Variants in FLT1 observed in about 807,000 individuals in gnomAD.
FLT1 encodes vascular endothelial growth factor receptor 1.
Under a neutral mutation model 156.3 loss-of-function variants are expected in FLT1, and 49 were observed. The observed-to-expected ratio is 0.31, with a 90% CI of 0.25 to 0.40. The LOEUF is 0.40. FLT1 is among the 10% of genes least tolerant of loss of function. FLT1 has a pLI of 1.00. For missense variants in FLT1, 1,322 were observed against 1,637.2 expected (o/e 0.81, Z 3.32); for synonymous variants, 594 against 583.8 (o/e 1.02, Z -0.25).
Position 28,303,496 on chromosome 13 carries a change from C to CG in FLT1, c.3816-129_3816-128insC, listed in dbSNP as rs1003998832. 9.0e-5 allele frequency: 72 copies of CG among 799,104 alleles called. 2 individuals are homozygous for CG. The highest frequency in any genetic ancestry group is 1.2e-4 in the Non-Finnish European group (56 of 485,298). The allele number at this position is 799,104 out of a possible 1,614,324, so 49.5% of individuals were successfully genotyped here. On this transcript the variant is annotated intron_variant, in intron 29 of 29. Transcript: ENST00000282397. Reference sequence around the variant, plus strand: ...TCTAGAGTTCATGGTTTTGGAACCCCCCCCCCCTCAATTGCTGTCAGATTT... The same window carrying CG: ...TCTAGAGTTCATGGTTTTGGAACCCCGCCCCCCCTCAATTGCTGTCAGATTT...
chr13:28,364,842 A>G (rs988962679), intron 14 of FLT1, among the ~76,000 whole-genome samples: 2 of 152,200 alleles, frequency 1.3e-5, no homozygotes, highest in African/African-American at 4.8e-5. Context: ...AAGTTAAATT[A>G]TGATTGCTTG....
rs534238030 is a variant in FLT1 at position 28,319,550 on chromosome 13, G to A, written c.3175-16C>T. ...GAAGTCGAGTCTAGAAGAGGGCAAGGGGGCCTTGAGCAGAAGGGCATGAAA... is the reference window on the plus strand; with the variant it reads ...GAAGTCGAGTCTAGAAGAGGGCAAGAGGGCCTTGAGCAGAAGGGCATGAAA... On this transcript the variant is annotated splice_polypyrimidine_tract_variant and intron_variant, in intron 23 of 29. Coordinates refer to ENST00000282397, the MANE Select transcript of FLT1 (RefSeq NM_002019.4). 1.3e-6 allele frequency: 2 copies of A among 1,513,754 alleles called. No individual in the cohort carries two copies. The highest frequency in any genetic ancestry group is 2.3e-5 in the South Asian group (2 of 88,306). 93.8% of individuals were successfully genotyped at this position (1,513,754 alleles called of 1,614,324 possible).
At chr13:28,345,338 G>A in intron 16 of FLT1, 107 bp downstream of exon 16, 1 of 719,116 alleles carries the variant, frequency 1.4e-6, no homozygotes, top group Non-Finnish European at 2.5e-6. Context: ...GAATGAGAGG[G>A]AAGGGAAAGA....
At chr13:28,482,042 T>C (rs1403213926) in intron 1 of FLT1, among the ~76,000 whole-genome samples, 2 of 152,252 alleles carry the variant, frequency 1.3e-5, no homozygotes, top group Non-Finnish European at 2.9e-5. Flanking sequence ...CTTCTACACA[T>C]TCCTGAACTC....
chr13:28,412,583 G>C (rs1350453341), intron 10 of FLT1, among the ~76,000 whole-genome samples: 1 of 150,972 alleles, frequency 6.6e-6, no homozygotes, highest in Non-Finnish European at 1.5e-5. Context: ...CACCACGTCT[G>C]GCTAATTTTT....
Position 28,317,737 on chromosome 13 carries a change from A to G in FLT1, c.3287-140T>C, listed in dbSNP as rs2138822864. On this transcript the variant is annotated intron_variant, in intron 24 of 29. Coordinates refer to ENST00000282397, the MANE Select transcript of FLT1 (RefSeq NM_002019.4). ...ATTCCCAGGGATTACAACAGATCTC[A>G]ACATACCGTACAACACACAGAGAAG... 7.2e-6 allele frequency: 5 copies of G among 696,316 alleles called. No homozygotes were observed. The South Asian group carries it at 7.6e-5, about 11-fold the overall frequency. The allele number at this position is 696,316 out of a possible 1,614,324, so 43.1% of individuals were successfully genotyped here. A position where few individuals can be genotyped will look rare whatever the true frequency, so the allele number is the denominator to read the frequency against.
chr13:28,427,375 C>A, intron 9 of FLT1, 57 bp from the exon 10 acceptor site: 1 of 1,516,586 alleles, frequency 6.6e-7, no homozygotes. Context: ...TGACTTTCTC[C>A]TGGGCCACAC....
chr13:28,383,226 C>G (rs1333070087), intron 14 of FLT1, among the ~76,000 whole-genome samples: 1 of 151,380 alleles, frequency 6.6e-6, no homozygotes, highest in East Asian at 1.9e-4. Context: ...AAAAAAAGTA[C>G]AGTCAGCCTT....
intron 10 of FLT1, among the ~76,000 whole-genome samples, chr13:28,422,914 C>G (rs574012765): frequency 1.2e-3 from 176 of 152,306 alleles, no homozygotes; most frequent in African/African-American, 3.4e-3. Flanking sequence ...CAGAGAAGGT[C>G]CCCTTCCCTC....
rs1302417932 is a variant in FLT1, at chr13:28,301,279, G to A, written c.*1888C>T. On this transcript the variant is annotated 3_prime_UTR_variant, in exon 30 of 30. Transcript: ENST00000282397. ...TTGCCAGCTGTCACAGGTGGTTTGC[G>A]TATGTAAAGAAGAGGAAGAACAAAG... 1.8e-5 allele frequency: 4 copies of A among 221,182 alleles called. No homozygotes were observed. Among genetic ancestry groups the A allele is most frequent in the East Asian group, 6.4e-5 (1 of 15,550 alleles). 13.7% of individuals were successfully genotyped at this position (221,182 alleles called of 1,614,324 possible).
At chr13:28,326,633 C>T (rs1043786620) in intron 20 of FLT1, among the ~76,000 whole-genome samples, 1 of 146,528 alleles carries the variant, frequency 6.8e-6, no homozygotes, top group Admixed American at 7.0e-5. Flanking sequence ...TCAAGCGATT[C>T]TCCTGCCTCA....
At chr13:28,474,691 A>G (rs57070158) in intron 1 of FLT1, among the ~76,000 whole-genome samples, 1 of 151,936 alleles carries the variant, frequency 6.6e-6, no homozygotes, top group Non-Finnish European at 1.5e-5. Flanking sequence ...ACTGATAATC[A>G]GTATTGGGTT....
chr13:28,408,325 G>A (rs879306896), intron 10 of FLT1, among the ~76,000 whole-genome samples: 1 of 152,164 alleles, frequency 6.6e-6, no homozygotes, highest in Non-Finnish European at 1.5e-5. Context: ...ATGACTCTGA[G>A]GGCAGTTACT....
intron 1 of FLT1, among the ~76,000 whole-genome samples, chr13:28,475,595 G>C (rs74043725): frequency 0.015 from 2,333 of 152,252 alleles, 73 homozygotes; most frequent in African/African-American, 0.053. Context: ...AATCTTTGGG[G>C]TTGGTGGCAA....
At chr13:28,432,361 T>C (rs2137549026) in intron 6 of FLT1, among the ~76,000 whole-genome samples, 2 of 152,268 alleles carry the variant, frequency 1.3e-5, no homozygotes, top group Middle Eastern at 6.8e-3. Context: ...TTCTCAGCAA[T>C]AACCAGAGAG....
At chr13:28,419,604 G>A (rs1285802970) in intron 10 of FLT1, among the ~76,000 whole-genome samples, 1 of 152,216 alleles carries the variant, frequency 6.6e-6, no homozygotes, top group Admixed American at 6.5e-5. Flanking sequence ...CAGCGGCCGG[G>A]TGCGGTGGCT....
At chr13:28,456,795 CA>C (rs34237824) in intron 3 of FLT1, among the ~76,000 whole-genome samples, 34,343 of 129,512 alleles carry the variant, frequency 0.27, 5,128 homozygotes, top group African/African-American at 0.46. Flanking sequence ...GACTCCCTCT[CA>C]AAAAAAAAAA....
chr13:28,371,706 C>T (rs944179983), intron 14 of FLT1, among the ~76,000 whole-genome samples: 1 of 152,000 alleles, frequency 6.6e-6, no homozygotes, highest in Non-Finnish European at 1.5e-5. Context: ...TAAGAATGAA[C>T]CTTCTATCCA....
Position 28,384,971 on chromosome 13 carries a change from G to A in FLT1, c.2030C>T (p.Ser677Phe), listed in dbSNP as rs755553562. 6.8e-6 allele frequency: 11 copies of A among 1,613,952 alleles called. No homozygotes were observed. The highest frequency in any genetic ancestry group is 9.3e-6 in the Non-Finnish European group (11 of 1,179,904). Residue 677 changes from serine to phenylalanine, a missense_variant, in exon 14 of 30, where the codon TCC becomes TTC. Transcript: ENST00000282397. ...ATTAGCATGACAGTCTAAAGTGGTG[G>A]AACTGCTGATGGCCACTGTGTGATC... ...LSDHTVAISS[S>F]TTLDCHANGV... is the part of the protein sequence containing the mutation.
Sources: allele counts gnomAD v4.1 joint callset (sites outside exome capture counted in the v4.1 genomes callset), GRCh38; gene constraint gnomAD v4.1.1; transcripts MANE v1.5; gene names NCBI Gene and HGNC (gene_info 2026-07-23, HGNC 2026-07-21).